The following KLF17 variants were observed in gnomAD, a reference collection of about 807,000 sequenced individuals.
The protein encoded by KLF17 is KLF transcription factor 17.
KLF17 carries 31 observed loss-of-function variants against 34.2 expected under a neutral mutation model. The observed-to-expected ratio is 0.91, with a 90% CI of 0.68 to 1.22. The LOEUF (loss-of-function observed/expected upper bound fraction) is 1.22. KLF17 is among the 50% of genes most tolerant of loss of function. The pLI, the probability that KLF17 is intolerant of heterozygous loss-of-function variation, is 0.00. For synonymous variants in KLF17, 179 were observed against 186.7 expected (o/e 0.96, Z 0.34); for missense variants, 478 against 505.2 (o/e 0.95, Z 0.52).
the KLF17 span, among the ~76,000 whole-genome samples, chr1:44,107,937 G>C: frequency 6.6e-6 from 1 of 152,168 alleles, no homozygotes. Context: ...GAGCATCTTG[G>C]AAAGTATCCC....
At chr1:44,058,216 G>C in the KLF17 span, among the ~76,000 whole-genome samples, 2 of 152,204 alleles carry the variant, frequency 1.3e-5, no homozygotes, top group African/African-American at 4.8e-5. Flanking sequence ...TAATGTTTTT[G>C]AAAGGACATT....
intron 1 of KLF17, among the ~76,000 whole-genome samples, chr1:44,128,831 G>C (rs962651066): frequency 1.3e-5 from 2 of 152,098 alleles, no homozygotes; most frequent in Non-Finnish European, 2.9e-5. Flanking sequence ...TGACCAACAT[G>C]GAGAAACCCC....
At chr1:44,124,828 G>T (rs866501857) in intron 1 of KLF17, among the ~76,000 whole-genome samples, 7 of 151,970 alleles carry the variant, frequency 4.6e-5, no homozygotes, top group African/African-American at 1.7e-4. Context: ...TATGTCCTTT[G>T]TGGTTGCCAT....
At chr1:44,087,296 C>T in the KLF17 span, among the ~76,000 whole-genome samples, 1 of 151,866 alleles carries the variant, frequency 6.6e-6, no homozygotes, top group East Asian at 1.9e-4. Flanking sequence ...GCTCTGTCAC[C>T]CAGGCTGTAT....
At chr1:44,130,788 T>C (rs1376991367) in intron 3 of KLF17, 32 bp downstream of exon 3, 1 of 1,600,420 alleles carries the variant, frequency 6.2e-7, no homozygotes, top group South Asian at 1.1e-5. Context: ...TGGGTTTTCT[T>C]TTTCCTTTTT....
rs916589738 is a variant in KLF17, at chr1:44,129,589, C to T, written c.318C>T (p.Leu106=). Reference sequence around the variant, plus strand: ...TGAGCTACTGCCCCCAAGCGACTCTCACTCCTTCCCGGATGATTTACTGTC... The same window carrying T: ...TGAGCTACTGCCCCCAAGCGACTCTTACTCCTTCCCGGATGATTTACTGTC... ...RGMSYCPQAT[L]TPSRMIYCQR... Residue 106 remains leucine, a synonymous_variant, in exon 2 of 4, where the codon CTC becomes CTT. Coordinates refer to ENST00000372299, the MANE Select transcript of KLF17 (RefSeq NM_173484.4). 3 of 1,614,164 alleles carry T rather than the reference C, an allele frequency of 1.9e-6. No individual in the cohort carries two copies. The highest frequency in any genetic ancestry group is 1.7e-5 in the Admixed American group (1 of 60,030).
At chr1:44,058,630 A>G in the KLF17 span, among the ~76,000 whole-genome samples, 7 of 146,614 alleles carry the variant, frequency 4.8e-5, no homozygotes, top group African/African-American at 1.8e-4. Flanking sequence ...CCAAAGGAAC[A>G]GTAAAACAGT....
At chr1:44,099,918 A>G in the KLF17 span, among the ~76,000 whole-genome samples, 2 of 71,672 alleles carry the variant, frequency 2.8e-5, no homozygotes, top group South Asian at 5.2e-4. Flanking sequence ...AGAAAGAAAG[A>G]AAAGAAAGGG....
intron 1 of KLF17, among the ~76,000 whole-genome samples, chr1:44,127,666 CTT>C (rs746900565): frequency 3.8e-3 from 155 of 40,408 alleles, no homozygotes; most frequent in Admixed American, 6.9e-3. Flanking sequence ...TTCTTTCTTT[CTT>C]TCTTTCTTTC....
chr1:44,131,797 C>T (rs536271094), intron 3 of KLF17, among the ~76,000 whole-genome samples: 10 of 152,258 alleles, frequency 6.6e-5, no homozygotes, highest in Non-Finnish European at 1.3e-4. Context: ...CGGGTTCAAA[C>T]GATTCTCCTG....
chr1:44,049,528 G>C, the KLF17 span, among the ~76,000 whole-genome samples: 3 of 152,184 alleles, frequency 2.0e-5, no homozygotes, highest in Non-Finnish European at 2.9e-5. Flanking sequence ...TGTCACCCAG[G>C]CTGGAGTGCA....
At chr1:44,090,824 C>T in the KLF17 span, among the ~76,000 whole-genome samples, 1 of 151,786 alleles carries the variant, frequency 6.6e-6, no homozygotes, top group Admixed American at 6.6e-5. Flanking sequence ...AGTGAGTACC[C>T]AGGGGGAGAA....
the KLF17 span, among the ~76,000 whole-genome samples, chr1:44,083,514 G>A: frequency 1.3e-5 from 2 of 152,068 alleles, no homozygotes; most frequent in African/African-American, 2.4e-5. Flanking sequence ...ATAGGCACAA[G>A]AGCCAGGCGC....
the KLF17 span, among the ~76,000 whole-genome samples, chr1:44,073,559 G>A: frequency 6.6e-6 from 1 of 152,002 alleles, no homozygotes; most frequent in Non-Finnish European, 1.5e-5. Context: ...TTATTTCTGT[G>A]TATTTCTGAG....
the KLF17 span, among the ~76,000 whole-genome samples, chr1:44,078,065 TTAA>T: frequency 6.6e-6 from 1 of 152,238 alleles, no homozygotes; most frequent in Non-Finnish European, 1.5e-5. Context: ...TTTTGCTGCC[TTAA>T]TGATGACTTT....
the KLF17 span, among the ~76,000 whole-genome samples, chr1:44,074,383 G>A: frequency 3.3e-5 from 5 of 151,768 alleles, no homozygotes; most frequent in East Asian, 3.9e-4. Flanking sequence ...GTGGCTAGCC[G>A]CCTTCTGTTG....
At chr1:44,091,389 C>T in the KLF17 span, among the ~76,000 whole-genome samples, 3 of 152,074 alleles carry the variant, frequency 2.0e-5, no homozygotes, top group African/African-American at 7.2e-5. Flanking sequence ...GGCACTGTGG[C>T]TCACACCTGT....
chr1:44,108,544 G>A, the KLF17 span, among the ~76,000 whole-genome samples: 1 of 151,940 alleles, frequency 6.6e-6, no homozygotes, highest in African/African-American at 2.4e-5. Context: ...TGGGTAGGCA[G>A]CAGACTTGGT....
the KLF17 span, among the ~76,000 whole-genome samples, chr1:44,054,478 C>CTTTTTT: frequency 2.3e-4 from 23 of 100,204 alleles, 1 homozygote; most frequent in Admixed American, 6.4e-4. Flanking sequence ...ATCAGTGTGC[C>CTTTTTT]TTTTTTTTTT....
Sources: gnomAD v4.1 joint callset for allele counts (sites outside exome capture counted in the v4.1 genomes callset) on GRCh38, gnomAD v4.1.1 for gene constraint, MANE v1.5 for transcripts, NCBI Gene and HGNC (gene_info 2026-07-23, HGNC 2026-07-21) for gene names.